TENT2: variants seen among roughly 807,000 people sequenced by gnomAD.
TENT2 encodes the protein terminal nucleotidyltransferase 2, also known as poly(A) RNA polymerase GLD2.
Under a neutral mutation model 72.2 loss-of-function variants are expected in TENT2, and 44 were observed. The observed-to-expected ratio is 0.61, with a 90% confidence interval of 0.48 to 0.78. The LOEUF is 0.78. Among genes scored for constraint, TENT2 ranks in the 30% least tolerant of loss-of-function variants. The probability of loss-of-function intolerance (pLI) is 0.00; values close to 1 mark genes in which losing one functional copy is unlikely to be tolerated. For synonymous variants in TENT2, 212 were observed against 192.5 expected (o/e 1.10, Z -0.84); for missense variants, 541 against 569.6 (o/e 0.95, Z 0.51).
In TENT2 at chr5:79,651,281, G is replaced by T. The variant is rs115640303; in HGVS notation, c.1027+2091G>T. Among the ~76,000 whole-genome samples the T allele has an allele frequency of 4.4e-3, 674 of 151,656 alleles. 12 individuals carry two copies. The highest frequency in any genetic ancestry group is 0.014 in the African/African-American group (593 of 41,404). On this transcript the variant is annotated intron_variant, in intron 10 of 14. Coordinates refer to ENST00000453514, the MANE Select transcript of TENT2 (RefSeq NM_001114394.3). Reference sequence around the variant, plus strand: ...GACAAATAAATAACTGTAAAGGGTGGATGTTCTTTTTTCCTCTACAAAAAC... The same window carrying T: ...GACAAATAAATAACTGTAAAGGGTGTATGTTCTTTTTTCCTCTACAAAAAC...
At chr5:79,678,161 A>G (rs554132739) in intron 12 of TENT2, among the ~76,000 whole-genome samples, 1 of 152,328 alleles carries the variant, frequency 6.6e-6, no homozygotes, top group African/African-American at 2.4e-5. Flanking sequence ...TAAAACTTTC[A>G]CAAACTCCTC....
chr5:79,624,861 A>G (rs189748186), intron 4 of TENT2, among the ~76,000 whole-genome samples: 2 of 152,354 alleles, frequency 1.3e-5, no homozygotes, highest in African/African-American at 2.4e-5. Flanking sequence ...TAGTGCAGCT[A>G]TAAATATCTG....
intron 4 of TENT2, among the ~76,000 whole-genome samples, chr5:79,638,546 C>A (rs1321456899): frequency 1.3e-5 from 2 of 152,166 alleles, no homozygotes; most frequent in African/African-American, 4.8e-5. Context: ...GCCTATGAAG[C>A]TGCTTGCCTA....
intron 7 of TENT2, chr5:79,644,892 C>T (rs1787592083): frequency 2.5e-6 from 1 of 396,568 alleles, no homozygotes; most frequent in Non-Finnish European, 4.5e-6. Flanking sequence ...TCTATAGATA[C>T]TATATTAGAT....
chr5:79,655,184 A>G (rs1797035859), intron 10 of TENT2, among the ~76,000 whole-genome samples: 1 of 152,180 alleles, frequency 6.6e-6, no homozygotes, highest in South Asian at 2.1e-4. Context: ...ATATCAGGAT[A>G]TTGTTAATAA....
rs1194190092 is a variant in TENT2, at chr5:79,686,462, A to G, written c.*1189A>G. 1.3e-5 allele frequency: 2 copies of G among 152,128 alleles called. No individual in the cohort carries two copies. Among genetic ancestry groups the G allele is most frequent in the African/African-American group, 4.8e-5 (2 of 41,452 alleles). 9.4% of individuals were successfully genotyped at this position (152,128 alleles called of 1,614,324 possible). A position where few individuals can be genotyped will look rare whatever the true frequency, so the allele number is the denominator to read the frequency against. ...CAGTTTTAACTTTTTCAAAAGAACT[A>G]TGTCCAACATTTTTTAGACCTGCTG... On this transcript the variant is annotated 3_prime_UTR_variant, in exon 15 of 15. Transcript: ENST00000453514.
intron 4 of TENT2, among the ~76,000 whole-genome samples, chr5:79,632,040 G>A (rs2150198228): frequency 2.0e-5 from 3 of 152,318 alleles, no homozygotes; most frequent in Middle Eastern, 3.4e-3. Flanking sequence ...TAGGATATCA[G>A]AGGTTTGAGA....
At chr5:79,643,986 CTTT>C (rs555747246) in intron 7 of TENT2, among the ~76,000 whole-genome samples, 2 of 142,240 alleles carry the variant, frequency 1.4e-5, no homozygotes. Flanking sequence ...TTGATATATT[CTTT>C]TTTTTTTTTT....
intron 11 of TENT2, among the ~76,000 whole-genome samples, chr5:79,663,630 A>T (rs1804798663): frequency 1.3e-5 from 2 of 152,248 alleles, no homozygotes; most frequent in Admixed American, 6.5e-5. Flanking sequence ...TTGCAGTATT[A>T]TGTGGATACC....
In TENT2 at chr5:79,681,150, A is replaced by ATTTTTTTTTTTTTTTT. The variant is rs1158559796; in HGVS notation, c.1301-819_1301-804dup. 6.7e-5 allele frequency among the ~76,000 whole-genome samples: 3 copies of ATTTTTTTTTTTTTTTT among 44,754 alleles called. 1 individual carries two copies. Among genetic ancestry groups the ATTTTTTTTTTTTTTTT allele is most frequent in the African/African-American group, 1.7e-4 (2 of 11,468 alleles). 29.4% of individuals were successfully genotyped at this position (44,754 alleles called of 152,430 possible). ...AGTTACTTCTTTTTTCTTTTCTTTG[A>ATTTTTTTTTTTTTTTT]TTTTTTTTTTTTTTTTTTTTTTTTT... is the stretch of plus-strand genomic sequence containing the variant. On this transcript the variant is annotated intron_variant, in intron 13 of 14. Transcript: ENST00000453514.
At chr5:79,683,174 C>A (rs1823381154) in intron 14 of TENT2, among the ~76,000 whole-genome samples, 1 of 151,978 alleles carries the variant, frequency 6.6e-6, no homozygotes, top group Admixed American at 6.6e-5. Flanking sequence ...AAAATAATGG[C>A]CAGGTGCAAT....
chr5:79,671,574 T>A (rs1489655763), intron 12 of TENT2, among the ~76,000 whole-genome samples: 1 of 151,754 alleles, frequency 6.6e-6, no homozygotes, highest in African/African-American at 2.4e-5. Context: ...CTGGCTAATA[T>A]TTTTTTGTAT....
intron 7 of TENT2, among the ~76,000 whole-genome samples, chr5:79,644,189 C>T (rs1483900833): frequency 6.6e-6 from 1 of 152,054 alleles, no homozygotes; most frequent in Non-Finnish European, 1.5e-5. Flanking sequence ...GCCATGTTGG[C>T]CAGGCTGGTC....
chr5:79,683,989 A>G (rs973660368), intron 14 of TENT2, among the ~76,000 whole-genome samples: 4 of 151,498 alleles, frequency 2.6e-5, no homozygotes, highest in African/African-American at 7.3e-5. Flanking sequence ...TTCAAGAGAG[A>G]ATATTTTTGT....
intron 11 of TENT2, among the ~76,000 whole-genome samples, chr5:79,662,267 A>G (rs1183502156): frequency 6.6e-6 from 1 of 152,216 alleles, no homozygotes; most frequent in Non-Finnish European, 1.5e-5. Context: ...CCTCCACTGA[A>G]GTCTTGAACC....
chr5:79,664,619 C>G (rs895750348), intron 11 of TENT2, among the ~76,000 whole-genome samples: 1 of 146,610 alleles, frequency 6.8e-6, no homozygotes, highest in Non-Finnish European at 1.5e-5. Context: ...AAGAGGTTAA[C>G]AAATTTTGGT....
At chr5:79,614,067 A>C (rs1757361456) in intron 1 of TENT2, 1 of 150,360 alleles carries the variant, frequency 6.7e-6, no homozygotes, top group Admixed American at 6.6e-5. Flanking sequence ...AATACTTTAT[A>C]ACTAGAAATT....
chr5:79,668,241 A>G (rs1810055810), intron 11 of TENT2, among the ~76,000 whole-genome samples: 1 of 152,016 alleles, frequency 6.6e-6, no homozygotes, highest in Non-Finnish European at 1.5e-5. Context: ...CTCTTTTATA[A>G]ATATTATGGT....
At chr5:79,681,599 T>G (rs1273872729) in intron 13 of TENT2, 2 of 155,640 alleles carry the variant, frequency 1.3e-5, no homozygotes, top group African/African-American at 4.8e-5. Flanking sequence ...TTCTGTGATA[T>G]TTAACATTAA....
Sources: gnomAD v4.1 joint callset for allele counts (sites outside exome capture counted in the v4.1 genomes callset) on GRCh38, gnomAD v4.1.1 for gene constraint, MANE v1.5 for transcripts, NCBI Gene and HGNC (gene_info 2026-07-23, HGNC 2026-07-21) for gene names.